Variants in SEMA6D observed in about 807,000 individuals in gnomAD.
The protein encoded by SEMA6D is semaphorin 6D.
SEMA6D carries 35 observed loss-of-function variants against 106.6 expected under a neutral mutation model. The ratio of observed to expected loss-of-function variants is 0.33; its 90% confidence interval spans 0.25 to 0.44. The LOEUF is 0.44. Ranked by LOEUF, SEMA6D falls within the 20% of genes least tolerant of loss-of-function variation. SEMA6D has a pLI of 1.00. For synonymous variants in SEMA6D, 499 were observed against 487.7 expected (o/e 1.02, Z -0.31); for missense variants, 1,185 against 1,345.9 (o/e 0.88, Z 1.87).
intron 1 of SEMA6D, among the ~76,000 whole-genome samples, chr15:47,257,083 A>C (rs2033845080): frequency 6.9e-6 from 1 of 145,204 alleles, no homozygotes; most frequent in Non-Finnish European, 1.5e-5. Context: ...TTTGAGACAG[A>C]GTCTCGCTCT....
chr15:47,673,219 A>G (rs2078172282), intron 4 of SEMA6D, among the ~76,000 whole-genome samples: 1 of 152,212 alleles, frequency 6.6e-6, no homozygotes, highest in South Asian at 2.1e-4. Flanking sequence ...TCTGTACCCA[A>G]TCATAAGAAG....
intron 2 of SEMA6D, among the ~76,000 whole-genome samples, chr15:47,433,018 T>G (rs997196321): frequency 6.6e-6 from 1 of 152,194 alleles, no homozygotes; most frequent in East Asian, 1.9e-4. Context: ...ACTCAAAAAT[T>G]TTGACTAATT....
At chr15:47,484,748 C>G (rs2043248791) in intron 3 of SEMA6D, among the ~76,000 whole-genome samples, 1 of 151,008 alleles carries the variant, frequency 6.6e-6, no homozygotes, top group Non-Finnish European at 1.5e-5. Context: ...AAGGCCTACA[C>G]TATGTATATC....
intron 1 of SEMA6D, among the ~76,000 whole-genome samples, chr15:47,217,416 A>T (rs1245951809): frequency 6.6e-6 from 1 of 152,164 alleles, no homozygotes; most frequent in African/African-American, 2.4e-5. Flanking sequence ...AAAACAAAAC[A>T]GTTCCTTTCA....
intron 1 of SEMA6D, among the ~76,000 whole-genome samples, chr15:47,335,575 G>T (rs1310709422): frequency 6.6e-6 from 1 of 152,060 alleles, no homozygotes; most frequent in Non-Finnish European, 1.5e-5. Context: ...CTGTTACCCA[G>T]ATTATGGTAA....
At chr15:47,682,591 G>A (rs2078380971) in intron 4 of SEMA6D, among the ~76,000 whole-genome samples, 1 of 152,128 alleles carries the variant, frequency 6.6e-6, no homozygotes, top group African/African-American at 2.4e-5. Context: ...CTCTTTATTA[G>A]CCCATTTACA....
intron 1 of SEMA6D, among the ~76,000 whole-genome samples, chr15:47,305,356 A>G (rs1339119097): frequency 2.6e-5 from 4 of 152,210 alleles, no homozygotes; most frequent in Admixed American, 6.5e-5. Context: ...AGGAATATCT[A>G]TAGAGCAATG....
chr15:47,541,461 A>G (rs2045352165), intron 3 of SEMA6D, among the ~76,000 whole-genome samples: 1 of 152,114 alleles, frequency 6.6e-6, no homozygotes. Context: ...AAATTGCTTG[A>G]TCTCTACTTG....
At chr15:47,304,211 C>G (rs2036136279) in intron 1 of SEMA6D, among the ~76,000 whole-genome samples, 1 of 151,808 alleles carries the variant, frequency 6.6e-6, no homozygotes, top group African/African-American at 2.4e-5. Context: ...ACCTGTAATC[C>G]CAGCACTTTG....
intron 3 of SEMA6D, among the ~76,000 whole-genome samples, chr15:47,514,807 A>T (rs373013527): frequency 1.3e-5 from 2 of 152,306 alleles, no homozygotes; most frequent in African/African-American, 4.8e-5. Flanking sequence ...AGTCCTTTAC[A>T]ATGGTCAGAA....
Position 47,768,693 on chromosome 15 carries a change from T to A in SEMA6D, c.1878T>A (p.Val626=). The part of the protein sequence containing the change: ...PKLTSSRKFV[V]QDDPNTSDFT... ...TGACAAGCTCTCGGAAATTTGTAGTTCAAGATGATCCAAACACTTCTGATT... is the reference window on the plus strand; with the variant it reads ...TGACAAGCTCTCGGAAATTTGTAGTACAAGATGATCCAAACACTTCTGATT... The change falls in exon 18 of 19, where the codon GTT becomes GTA. Residue 626 remains valine (V), a synonymous_variant. Coordinates refer to ENST00000536845, the MANE Select transcript of SEMA6D (RefSeq NM_001358351.3). The A allele has an allele frequency of 1.2e-6, 2 of 1,613,686 alleles. No individual in the cohort carries two copies. The highest frequency in any genetic ancestry group is 1.7e-6 in the Non-Finnish European group (2 of 1,179,666).
chr15:47,502,282 G>A (rs887105787), intron 3 of SEMA6D, among the ~76,000 whole-genome samples: 2 of 152,110 alleles, frequency 1.3e-5, no homozygotes, highest in African/African-American at 4.8e-5. Flanking sequence ...TCTCTACAAG[G>A]GTTTGATTAA....
intron 1 of SEMA6D, among the ~76,000 whole-genome samples, chr15:47,293,374 C>A (rs774430210): frequency 6.6e-6 from 1 of 152,216 alleles, no homozygotes; most frequent in Admixed American, 6.5e-5. Flanking sequence ...CAGTTCCTTA[C>A]TGGGCTGTCT....
chr15:47,382,615 A>G (rs175979), intron 1 of SEMA6D, among the ~76,000 whole-genome samples: 71,841 of 152,206 alleles, frequency 0.47, 20,440 homozygotes, highest in South Asian at 0.62. Context: ...GATCACACAA[A>G]TGCTGCTCAA....
chr15:47,578,802 T>G (rs942907878), intron 3 of SEMA6D, among the ~76,000 whole-genome samples: 1 of 152,192 alleles, frequency 6.6e-6, no homozygotes, highest in Non-Finnish European at 1.5e-5. Flanking sequence ...CTAAATGATC[T>G]ATGTGTAATA....
At chr15:47,757,316 C>T (rs999669608) in intron 1 of SEMA6D, among the ~76,000 whole-genome samples, 10 of 152,276 alleles carry the variant, frequency 6.6e-5, no homozygotes, top group African/African-American at 2.2e-4. Flanking sequence ...AATTATTTTT[C>T]CTGATATCCA....
intron 1 of SEMA6D, among the ~76,000 whole-genome samples, chr15:47,742,256 T>A (rs2080865816): frequency 6.6e-6 from 1 of 151,996 alleles, no homozygotes; most frequent in Admixed American, 6.5e-5. Context: ...TTACAATTTT[T>A]AAAGTATTTT....
intron 3 of SEMA6D, among the ~76,000 whole-genome samples, chr15:47,526,782 G>T (rs972302539): frequency 2.6e-5 from 4 of 152,018 alleles, no homozygotes; most frequent in African/African-American, 9.7e-5. Flanking sequence ...TGTCACCTAG[G>T]CTGGAGTGTA....
At chr15:47,464,484 A>G (rs2042602265) in intron 2 of SEMA6D, among the ~76,000 whole-genome samples, 1 of 152,022 alleles carries the variant, frequency 6.6e-6, no homozygotes, top group Non-Finnish European at 1.5e-5. Flanking sequence ...TGTCCAGTCC[A>G]TGCCAAGGAC....
Sources: gnomAD v4.1 joint callset for allele counts (sites outside exome capture counted in the v4.1 genomes callset) on GRCh38, gnomAD v4.1.1 for gene constraint, MANE v1.5 for transcripts, NCBI Gene and HGNC (gene_info 2026-07-23, HGNC 2026-07-21) for gene names.